Variants in SERPINA3 observed in about 807,000 individuals in gnomAD.
SERPINA3 encodes alpha-1-antichymotrypsin.
Under a neutral mutation model 26.8 loss-of-function variants are expected in SERPINA3, and 32 were observed. The observed-to-expected ratio is 1.20, with a 90% CI of 0.90 to 1.61. The LOEUF is 1.61. Among genes scored for constraint, SERPINA3 ranks in the 40% most tolerant of loss-of-function variants. The probability of loss-of-function intolerance (pLI) is 0.00; values close to 1 mark genes in which losing one functional copy is unlikely to be tolerated. For missense variants in SERPINA3, 632 were observed against 517.9 expected, an observed-to-expected ratio of 1.22 and a Z score of -2.14; for synonymous variants, 252 against 206.4, an observed-to-expected ratio of 1.22 and a Z score of -1.89.
chr14:94,622,188 G>T (rs1298093035), intron 3 of SERPINA3, among the ~76,000 whole-genome samples, 153 bp from the exon 4 acceptor site: 1 of 152,212 alleles, frequency 6.6e-6, no homozygotes, highest in Non-Finnish European at 1.5e-5. Context: ...GAAGAGTAAA[G>T]ACAGGGGTTA....
chr14:94,619,924 T>C (rs1886138969), intron 3 of SERPINA3: 1 of 202,038 alleles, frequency 4.9e-6, no homozygotes, highest in Non-Finnish European at 1.0e-5. Context: ...CAGACACTAA[T>C]TTGCACCCTG....
At chr14:94,620,965 A>G (rs368127905) in intron 3 of SERPINA3, among the ~76,000 whole-genome samples, 1 of 152,134 alleles carries the variant, frequency 6.6e-6, no homozygotes, top group African/African-American at 2.4e-5. Context: ...CTGAAGAGAA[A>G]GGAATGTCCT....
chr14:94,622,239 G>C, intron 3 of SERPINA3, 102 bp from the exon 4 acceptor site: 1 of 1,004,508 alleles, frequency 1.0e-6, no homozygotes, highest in South Asian at 1.3e-5. Flanking sequence ...AATCAGAAGG[G>C]GGTGACTGTA....
At position 94,623,620 on chromosome 14, in the gene SERPINA3, A is replaced by G; in HGVS notation, c.1078A>G (p.Lys360Glu). Reference sequence around the variant, plus strand: ...TCTGCTGTCCCCACAGGTGGTCCATAAGGCTGTGCTTGATGTATTTGAGGA... The same window carrying G: ...TCTGCTGTCCCCACAGGTGGTCCATGAGGCTGTGCTTGATGTATTTGAGGA... ...RNLAVSQVVH[K>E]AVLDVFEEGT... The change falls in exon 5 of 5, where the codon AAG (lysine) becomes GAG (glutamate). Residue 360 changes from lysine to glutamate, a missense_variant. Coordinates refer to ENST00000393078, the MANE Select transcript of SERPINA3 (RefSeq NM_001085.5). The G allele has an allele frequency of 6.2e-7, 1 of 1,613,980 alleles. No individual in the cohort carries two copies. Among genetic ancestry groups the G allele is most frequent in the Non-Finnish European group, 8.5e-7 (1 of 1,179,978 alleles).
rs541436708 is a variant in SERPINA3, at chr14:94,612,888, G to C, written c.-9+441G>C. Among the ~76,000 whole-genome samples, 4 of 152,176 alleles carry C rather than the reference G, an allele frequency of 2.6e-5. No individual in the cohort carries two copies. In the East Asian group the frequency reaches 7.8e-4, roughly 30 times the overall value. ...TTCAGGGTCTCCATGGGGCTGCCTC[G>C]GGAGCTCCACTTCCCCAAAAGGACC... On this transcript the variant is annotated intron_variant, in intron 1 of 4. Coordinates refer to ENST00000393078, the MANE Select transcript of SERPINA3 (RefSeq NM_001085.5).
At chr14:94,618,873 C>G in intron 2 of SERPINA3, 1 of 475,106 alleles carries the variant, frequency 2.1e-6, no homozygotes, top group Non-Finnish European at 3.9e-6. Context: ...TCCTCAGGCA[C>G]CAGCCTCCCA....
chr14:94,622,646 G>A lies in SERPINA3; in HGVS notation c.1068+155G>A, dbSNP rs117583403. ...TTGGGACACCCCCAAGCCAAGAAGA[G>A]CTAGGTTACAGCCCAGCTCCTCCTG... On this transcript the variant is annotated intron_variant, in intron 4 of 4. Transcript: ENST00000393078. The A allele has an allele frequency of 9.2e-3, 7,465 of 812,512 alleles. 66 individuals carry two copies. Among genetic ancestry groups the A allele is most frequent in the South Asian group, 0.017 (1,140 of 67,946 alleles). 50.3% of individuals were successfully genotyped at this position (812,512 alleles called of 1,614,324 possible).
At position 94,614,473 on chromosome 14, in the gene SERPINA3, G is replaced by A. The variant is rs1595094071; in HGVS notation, c.32G>A (p.Gly11Glu). The change falls in exon 2 of 5, where the codon GGG (glycine) becomes GAG (glutamate). Residue 11 changes from glycine (G) to glutamate (E), a missense_variant. By Grantham distance (98) the Gly-to-Glu change is moderately conservative (BLOSUM62 -2). Transcript: ENST00000393078. MERMLPLLAL[G>E]LLAAGFCPAV... Reference sequence around the variant, plus strand: ...AGAATGTTACCTCTCCTGGCTCTGGGGCTCTTGGCGGCTGGGTTCTGCCCT... The same window carrying A: ...AGAATGTTACCTCTCCTGGCTCTGGAGCTCTTGGCGGCTGGGTTCTGCCCT... 4 of 1,614,032 alleles carry A rather than the reference G, an allele frequency of 2.5e-6. No individual in the cohort carries two copies. The highest frequency in any genetic ancestry group is 4.5e-5 in the East Asian group (2 of 44,858).
Position 94,622,475 on chromosome 14 carries a change from A to T in SERPINA3, c.1052A>T (p.Asn351Ile). Residue 351 changes from asparagine (N) to isoleucine (I), a missense_variant, in exon 4 of 5, where the codon AAC (asparagine) becomes ATC (isoleucine). Coordinates refer to ENST00000393078, the MANE Select transcript of SERPINA3 (RefSeq NM_001085.5). The stretch of plus-strand genomic sequence containing the variant: ...CTGTCAGGGATCACAGGGGCCAGGA[A>T]CCTAGCAGTCTCCCAGGTGAGTCTT... ...ADLSGITGAR[N>I]LAVSQVVHKA... 1 of 1,614,172 alleles carries T rather than the reference A, an allele frequency of 6.2e-7. No individual in the cohort carries two copies. Among genetic ancestry groups the T allele is most frequent in the South Asian group, 1.1e-5 (1 of 91,084 alleles).
At chr14:94,619,002 GC>G in intron 2 of SERPINA3, 192 bp from the exon 3 acceptor site, 1 of 652,578 alleles carries the variant, frequency 1.5e-6, no homozygotes, top group Non-Finnish European at 2.7e-6. Context: ...TTCTTTTGTG[GC>G]CCTTTTCCCA....
chr14:94,619,777 G>C (rs1349465693), intron 3 of SERPINA3: 1 of 451,560 alleles, frequency 2.2e-6, no homozygotes, highest in Non-Finnish European at 4.1e-6. Context: ...TGAAGGGAGA[G>C]AGAAACAGAA....
At position 94,618,723 on chromosome 14, in the gene SERPINA3, G is replaced by T. The variant is rs2139959901; in HGVS notation, c.644-472G>T. On this transcript the variant is annotated intron_variant, in intron 2 of 4. Coordinates refer to ENST00000393078, the MANE Select transcript of SERPINA3 (RefSeq NM_001085.5). ...GTCTGCCCTCACCAACTCACATACA[G>T]AACCCAGTCTCTTTCCTCTTATTTC... 4 of 247,806 alleles carry T rather than the reference G, an allele frequency of 1.6e-5. No individual in the cohort carries two copies. In the South Asian group the frequency reaches 2.2e-4, roughly 14 times the overall value. 15.4% of individuals were successfully genotyped at this position (247,806 alleles called of 1,614,324 possible). A position where few individuals can be genotyped will look rare whatever the true frequency, so the allele number is the denominator to read the frequency against.
Position 94,623,990 on chromosome 14 carries a change from G to A in SERPINA3, c.*176G>A. On this transcript the variant is annotated 3_prime_UTR_variant, in exon 5 of 5. Transcript: ENST00000393078. ...CTGTGTAGCTCTCACATGCACAGGG[G>A]CCCATGGACTCTTCAGTCTGGAGGG... is the stretch of plus-strand genomic sequence containing the variant. 1 of 670,108 alleles carries A rather than the reference G, an allele frequency of 1.5e-6. No homozygotes were observed. The highest frequency in any genetic ancestry group is 2.7e-6 in the Non-Finnish European group (1 of 373,104). The allele number at this position is 670,108 out of a possible 1,614,324, so 41.5% of individuals were successfully genotyped here. A position where few individuals can be genotyped will look rare whatever the true frequency, so the allele number is the denominator to read the frequency against.
Position 94,623,651 on chromosome 14 carries a change from C to A in SERPINA3, c.1109C>A (p.Thr370Lys). The A allele has an allele frequency of 6.2e-7, 1 of 1,614,150 alleles. No individual in the cohort carries two copies. Among genetic ancestry groups the A allele is most frequent in the South Asian group, 1.1e-5 (1 of 91,086 alleles). ...KAVLDVFEEGTEASAATAVKI... is the reference protein window; with the variant it reads ...KAVLDVFEEGKEASAATAVKI... ...GTGCTTGATGTATTTGAGGAGGGCA[C>A]AGAAGCATCTGCTGCCACAGCAGTC... Residue 370 changes from threonine (T) to lysine (K), a missense_variant, in exon 5 of 5, where the codon ACA (threonine) becomes AAA (lysine). Transcript: ENST00000393078.
chr14:94,619,911 T>C (rs1886138731), intron 3 of SERPINA3: 1 of 214,614 alleles, frequency 4.7e-6, no homozygotes, highest in Non-Finnish European at 9.4e-6. Context: ...ACCTACTATG[T>C]GTCAGACACT....
Position 94,619,289 on chromosome 14 carries a change from G to T in SERPINA3, c.738G>T (p.Leu246Phe). Residue 246 changes from leucine (L) to phenylalanine (F), a missense_variant, in exon 3 of 5, where the codon TTG becomes TTT. Coordinates refer to ENST00000393078, the MANE Select transcript of SERPINA3 (RefSeq NM_001085.5). ...GGGTAATGGTGCCCATGATGAGTTT[G>T]CATCACCTGACTATACCTTACTTCC... The part of the protein sequence containing the change: ...KKWVMVPMMS[L>F]HHLTIPYFRD... 1 of 1,614,192 alleles carries T rather than the reference G, an allele frequency of 6.2e-7. No individual in the cohort carries two copies. The highest frequency in any genetic ancestry group is 8.5e-7 in the Non-Finnish European group (1 of 1,180,034).
At chr14:94,621,590 G>T (rs73346578) in intron 3 of SERPINA3, among the ~76,000 whole-genome samples, 1,989 of 152,196 alleles carry the variant, frequency 0.013, 37 homozygotes, top group African/African-American at 0.046. Context: ...GTGTGACCTG[G>T]GCCTCTAGGA....
At chr14:94,619,558 T>A in intron 3 of SERPINA3, 90 bp downstream of exon 3, 2 of 1,502,410 alleles carry the variant, frequency 1.3e-6, no homozygotes, top group Non-Finnish European at 1.8e-6. Context: ...GTGGGAGAAC[T>A]CATACAGGGA....
At position 94,623,851 on chromosome 14, in the gene SERPINA3, C is replaced by CT; in HGVS notation, c.*39dup. On this transcript the variant is annotated 3_prime_UTR_variant, in exon 5 of 5. Transcript: ENST00000393078. ...AAGCAGTGGGGCTCTCAGTAAGGAACTTGGAATGCAAGCTGGATGCCTGGG... is the reference window on the plus strand; with the variant it reads ...AAGCAGTGGGGCTCTCAGTAAGGAACTTTGGAATGCAAGCTGGATGCCTGGG... 1 of 1,581,796 alleles carries CT rather than the reference C, an allele frequency of 6.3e-7. No homozygotes were observed.
Sources: gnomAD v4.1 joint callset for allele counts (sites outside exome capture counted in the v4.1 genomes callset) on GRCh38, gnomAD v4.1.1 for gene constraint, MANE v1.5 for transcripts, NCBI Gene and HGNC (gene_info 2026-07-23, HGNC 2026-07-21) for gene names.